Variants in PRDM5 observed in about 807,000 individuals in gnomAD.
PRDM5 encodes the protein PR domain zinc finger protein 5.
PRDM5 carries 56 observed loss-of-function variants against 81.2 expected under a neutral mutation model. The ratio of observed to expected loss-of-function variants is 0.69; its 90% CI spans 0.56 to 0.86. The LOEUF (loss-of-function observed/expected upper bound fraction) is 0.86. Ranked by LOEUF, PRDM5 falls within the 40% of genes least tolerant of loss-of-function variation. The pLI is 0.00. For synonymous variants in PRDM5, 267 were observed against 256.4 expected (o/e 1.04, Z -0.39); for missense variants, 697 against 770.1 (o/e 0.91, Z 1.12).
At chr4:120,787,348 C>T (rs1578732848) in intron 10 of PRDM5, among the ~76,000 whole-genome samples, 1 of 152,104 alleles carries the variant, frequency 6.6e-6, no homozygotes, top group Non-Finnish European at 1.5e-5. Flanking sequence ...AGAAGCAAAT[C>T]GTGTACGGCC....
chr4:120,702,141 A>G (rs139262860), intron 15 of PRDM5, among the ~76,000 whole-genome samples: 1 of 152,340 alleles, frequency 6.6e-6, no homozygotes, highest in Non-Finnish European at 1.5e-5. Context: ...CCACTGCTAA[A>G]TACTTTCTGA....
chr4:120,878,872 A>G (rs987249516), intron 2 of PRDM5, among the ~76,000 whole-genome samples: 3 of 152,200 alleles, frequency 2.0e-5, no homozygotes, highest in Admixed American at 2.0e-4. Flanking sequence ...CCAAAATCTA[A>G]AACACTGACA....
intron 10 of PRDM5, among the ~76,000 whole-genome samples, chr4:120,796,117 A>ACT (rs1455901655): frequency 2.6e-5 from 4 of 152,298 alleles, no homozygotes; most frequent in Admixed American, 2.6e-4. Flanking sequence ...TAAAGATCAC[A>ACT]CTGACTCTTA....
chr4:120,756,355 A>G (rs965784194), intron 13 of PRDM5, among the ~76,000 whole-genome samples: 5 of 152,190 alleles, frequency 3.3e-5, no homozygotes, highest in Non-Finnish European at 7.4e-5. Context: ...TGTCCTGATT[A>G]GTTGTACCAC....
intron 10 of PRDM5, among the ~76,000 whole-genome samples, chr4:120,785,833 A>C (rs1026728872): frequency 5.3e-5 from 8 of 152,126 alleles, no homozygotes; most frequent in Non-Finnish European, 1.2e-4. Flanking sequence ...ACCCAGGTAC[A>C]TAAGAAACAA....
chr4:120,902,704 CAAG>C (rs1765352509), intron 2 of PRDM5, among the ~76,000 whole-genome samples: 1 of 152,148 alleles, frequency 6.6e-6, no homozygotes, highest in South Asian at 2.1e-4. Context: ...CTGAGGTGAT[CAAG>C]AAGGATTAAA....
intron 3 of PRDM5, among the ~76,000 whole-genome samples, chr4:120,828,278 G>A (rs1257776981): frequency 2.0e-5 from 3 of 152,094 alleles, no homozygotes; most frequent in Non-Finnish European, 2.9e-5. Flanking sequence ...TATAGAATAT[G>A]TAAAGTATAT....
rs145731202 is a variant in PRDM5 at position 120,719,793 on chromosome 4, A to T, written c.1624-9380T>A. Among the ~76,000 whole-genome samples the T allele has an allele frequency of 5.3e-5, 8 of 152,194 alleles. No individual in the cohort carries two copies. In the East Asian group the frequency reaches 1.4e-3, roughly 26 times the overall value. ...TATTCTCTGCTTCTGTAGATTTCAC[A>T]TTTTTCTCCTAAAAAGTTAAATTTG... is the stretch of plus-strand genomic sequence containing the variant. On this transcript the variant is annotated intron_variant, in intron 14 of 15. Coordinates refer to ENST00000264808, the MANE Select transcript of PRDM5 (RefSeq NM_018699.4).
chr4:120,893,898 T>G (rs971436471), intron 2 of PRDM5, among the ~76,000 whole-genome samples: 10 of 152,226 alleles, frequency 6.6e-5, no homozygotes, highest in African/African-American at 2.4e-4. Context: ...TTCTTTTATT[T>G]TCAGGCTTTC....
chr4:120,884,433 C>G (rs1310113615), intron 2 of PRDM5, among the ~76,000 whole-genome samples: 2 of 119,882 alleles, frequency 1.7e-5, no homozygotes, highest in Non-Finnish European at 3.3e-5. Flanking sequence ...AAGAAATGTT[C>G]TTTTATAGTT....
chr4:120,784,086 T>G (rs1749422770), intron 11 of PRDM5, among the ~76,000 whole-genome samples: 2 of 152,116 alleles, frequency 1.3e-5, no homozygotes, highest in Non-Finnish European at 2.9e-5. Flanking sequence ...TGGTACACAA[T>G]TTTTCCATTA....
chr4:120,895,606 A>G (rs926648596), intron 2 of PRDM5: 1 of 152,200 alleles, frequency 6.6e-6, no homozygotes, highest in African/African-American at 2.4e-5. Context: ...CTTCTTCATC[A>G]TCATTATGAA....
At chr4:120,725,551 A>G (rs1211374703) in intron 14 of PRDM5, among the ~76,000 whole-genome samples, 1 of 152,104 alleles carries the variant, frequency 6.6e-6, no homozygotes. Flanking sequence ...GTGTTCCTTG[A>G]GAAAGAACAC....
At chr4:120,878,503 T>C (rs981942853) in intron 2 of PRDM5, among the ~76,000 whole-genome samples, 6 of 152,260 alleles carry the variant, frequency 3.9e-5, no homozygotes, top group African/African-American at 9.6e-5. Flanking sequence ...TAAGCTTGTG[T>C]TTGGTGATGA....
intron 13 of PRDM5, among the ~76,000 whole-genome samples, chr4:120,764,924 T>C: frequency 6.6e-6 from 1 of 152,308 alleles, no homozygotes; most frequent in Non-Finnish European, 1.5e-5. Flanking sequence ...GTCATCTAAT[T>C]CTTATTAAAA....
chr4:120,884,287 T>C (rs2148595363), intron 2 of PRDM5, among the ~76,000 whole-genome samples: 1 of 152,356 alleles, frequency 6.6e-6, no homozygotes, highest in East Asian at 1.9e-4. Context: ...TGTGTGATGA[T>C]ATGTAATGAA....
At chr4:120,858,846 T>C (rs757329125) in intron 2 of PRDM5, among the ~76,000 whole-genome samples, 12 of 152,168 alleles carry the variant, frequency 7.9e-5, no homozygotes, top group African/African-American at 1.2e-4. Flanking sequence ...GTGACAAATA[T>C]TTAAATTTCA....
At chr4:120,855,211 C>T (rs1220180974) in intron 2 of PRDM5, among the ~76,000 whole-genome samples, 3 of 152,140 alleles carry the variant, frequency 2.0e-5, no homozygotes, top group Non-Finnish European at 4.4e-5. Context: ...GACATACTGC[C>T]ATGTTTCTCA....
At chr4:120,864,269 T>C (rs1760962469) in intron 2 of PRDM5, among the ~76,000 whole-genome samples, 1 of 152,160 alleles carries the variant, frequency 6.6e-6, no homozygotes, top group Non-Finnish European at 1.5e-5. Flanking sequence ...ATCTACATCT[T>C]AGGAGCTAAG....
Sources: allele counts gnomAD v4.1 joint callset (sites outside exome capture counted in the v4.1 genomes callset), GRCh38; gene constraint gnomAD v4.1.1; transcripts MANE v1.5; gene names NCBI Gene and HGNC (gene_info 2026-07-23, HGNC 2026-07-21).